ZXDC: variants seen among roughly 807,000 people sequenced by gnomAD.
The protein encoded by ZXDC is zinc finger protein ZXDC.
In ZXDC, 58 loss-of-function variants were observed where a neutral mutation model predicts 63.6. That is an observed-to-expected ratio of 0.91 (90% CI 0.74 to 1.13). The LOEUF is 1.13. Ranked by LOEUF, ZXDC falls within the 50% of genes most tolerant of loss-of-function variation. ZXDC has a pLI of 0.00. For synonymous variants in ZXDC, 561 were observed against 496.1 expected (o/e 1.13, Z -1.74); for missense variants, 1,133 against 1,148.9 (o/e 0.99, Z 0.20).
intron 9 of ZXDC, among the ~76,000 whole-genome samples, chr3:126,439,190 C>T (rs1470147565): frequency 6.6e-6 from 1 of 152,188 alleles, no homozygotes; most frequent in Non-Finnish European, 1.5e-5. Context: ...AATATATAAA[C>T]ACGTAAGGCA....
intron 1 of ZXDC, among the ~76,000 whole-genome samples, chr3:126,472,758 T>C (rs565718597): frequency 2.0e-5 from 3 of 152,182 alleles, no homozygotes; most frequent in Non-Finnish European, 2.9e-5. Context: ...CTGCATCCTC[T>C]ACATATCCAA....
chr3:126,443,676 T>A (rs1011071524), intron 7 of ZXDC, among the ~76,000 whole-genome samples: 1 of 152,184 alleles, frequency 6.6e-6, no homozygotes, highest in African/African-American at 2.4e-5. Context: ...TTGTATACTA[T>A]CCCACTTACC....
chr3:126,474,817 T>C (rs1046850099), intron 1 of ZXDC, 142 bp downstream of exon 1: 1 of 1,009,810 alleles, frequency 9.9e-7, no homozygotes, highest in South Asian at 1.7e-5. Flanking sequence ...TCGAATGACA[T>C]GGAAGGAGCT....
rs113071350 is a variant in ZXDC at position 126,461,172 on chromosome 3, C to T, written c.2127+363G>A. On this transcript the variant is annotated intron_variant, in intron 6 of 9. Transcript: ENST00000389709. Reference sequence around the variant, plus strand: ...GAACCTCTGAAGGTGGCTTATGTCTCGACTCCTCTTCTAGGACTGGTCATG... The same window carrying T: ...GAACCTCTGAAGGTGGCTTATGTCTTGACTCCTCTTCTAGGACTGGTCATG... 782 of 1,004,168 alleles carry T rather than the reference C, an allele frequency of 7.8e-4. 4 individuals are homozygous for T. In the African/African-American group the frequency reaches 0.013, roughly 16 times the overall value. The allele number at this position is 1,004,168 out of a possible 1,614,324, so 62.2% of individuals were successfully genotyped here.
chr3:126,445,018 A>G (rs1226321023), intron 7 of ZXDC, among the ~76,000 whole-genome samples: 1 of 152,254 alleles, frequency 6.6e-6, no homozygotes, highest in Non-Finnish European at 1.5e-5. Flanking sequence ...AATTGGTTTC[A>G]ACTTCTGTAT....
intron 7 of ZXDC, chr3:126,459,343 CT>C (rs1934431886): frequency 3.0e-6 from 3 of 985,456 alleles, no homozygotes; most frequent in South Asian, 4.7e-5. Flanking sequence ...ACAATCTCTG[CT>C]TTCCTGACAA....
chr3:126,454,026 A>G, intron 7 of ZXDC: 7 of 741,854 alleles, frequency 9.4e-6, no homozygotes, highest in Non-Finnish European at 1.1e-5. Flanking sequence ...ACTATATATT[A>G]TGTATATATA....
intron 6 of ZXDC, chr3:126,461,001 T>C (rs1431091544): frequency 1.0e-6 from 1 of 978,312 alleles, no homozygotes; most frequent in African/African-American, 1.8e-5. Context: ...ATAATTGATA[T>C]AAAGTATATT....
intron 7 of ZXDC, chr3:126,451,152 T>C: frequency 1.0e-6 from 1 of 985,430 alleles, no homozygotes; most frequent in Non-Finnish European, 1.2e-6. Flanking sequence ...CATGTTTTAA[T>C]TACACAAAGT....
At chr3:126,470,741 A>G (rs944062074) in intron 4 of ZXDC, among the ~76,000 whole-genome samples, 154 bp downstream of exon 4, 5 of 152,244 alleles carry the variant, frequency 3.3e-5, no homozygotes, top group Admixed American at 2.6e-4. Flanking sequence ...AAAATAGTAC[A>G]ATTAACTCAA....
intron 4 of ZXDC, among the ~76,000 whole-genome samples, chr3:126,467,635 T>G (rs1576687938): frequency 6.6e-6 from 1 of 152,314 alleles, no homozygotes; most frequent in South Asian, 2.1e-4. Context: ...CTAATACAGC[T>G]GCAAACTCGT....
intron 4 of ZXDC, among the ~76,000 whole-genome samples, chr3:126,466,624 A>C (rs1167507377): frequency 1.3e-5 from 2 of 152,258 alleles, no homozygotes; most frequent in African/African-American, 4.8e-5. Flanking sequence ...TGTTGGGAAG[A>C]TTAAGTCAAA....
intron 4 of ZXDC, among the ~76,000 whole-genome samples, chr3:126,467,046 G>T (rs1934797596): frequency 6.6e-6 from 1 of 152,194 alleles, no homozygotes; most frequent in South Asian, 2.1e-4. Context: ...GGGGCAAATA[G>T]AACAGCCAGT....
intron 4 of ZXDC, among the ~76,000 whole-genome samples, chr3:126,467,175 G>A (rs1241604971): frequency 6.6e-6 from 1 of 152,082 alleles, no homozygotes; most frequent in African/African-American, 2.4e-5. Context: ...AGCCCTCGAG[G>A]TGACTGGGCC....
In ZXDC at chr3:126,438,434, CAG is replaced by C. The variant is rs1475880630; in HGVS notation, c.2516_2517del (p.Pro839ArgfsTer39). 2 of 1,613,856 alleles carry C rather than the reference CAG, an allele frequency of 1.2e-6. No individual in the cohort carries two copies. The highest frequency in any genetic ancestry group is 1.7e-6 in the Non-Finnish European group (2 of 1,179,898). Reference sequence around the variant, plus strand: ...GGGAACTGGGTGGCCTCCGGTCCAGCAGGGCCTCCAGATGAGGGGAGCACCTC... The same window carrying C: ...GGGAACTGGGTGGCCTCCGGTCCAGCGGCCTCCAGATGAGGGGAGCACCTC... The part of the protein sequence containing the change: ...LQEVLPSSGG[P>X]AGPEATQFPG... On this transcript the variant is annotated frameshift_variant, in exon 10 of 10. Transcript: ENST00000389709. LOFTEE classifies it low-confidence loss of function (END_TRUNC).
intron 7 of ZXDC, among the ~76,000 whole-genome samples, chr3:126,457,060 G>A (rs942435040): frequency 6.6e-6 from 1 of 152,224 alleles, no homozygotes; most frequent in South Asian, 2.1e-4. Flanking sequence ...ATCATGACAA[G>A]GGAGGGCCAA....
chr3:126,461,713 G>A lies in ZXDC; in HGVS notation c.1949C>T (p.Ala650Val). 2 of 1,614,030 alleles carry A rather than the reference G, an allele frequency of 1.2e-6. No homozygotes were observed. Among genetic ancestry groups the A allele is most frequent in the East Asian group, 4.5e-5 (2 of 44,868 alleles). ...PTSSSTPREN[A>V]SVPELLAPIK... Reference sequence around the variant, plus strand: ...TGGAGCCAGCAGTTCCGGGACACTGGCATTTTCTCGGGGGGTGCTCGAAGA... The same window carrying A: ...TGGAGCCAGCAGTTCCGGGACACTGACATTTTCTCGGGGGGTGCTCGAAGA... Residue 650 changes from alanine (A) to valine (V), a missense_variant, in exon 6 of 10, where the codon GCC becomes GTC. Transcript: ENST00000389709.
At chr3:126,474,157 G>A (rs1212612187) in intron 1 of ZXDC, among the ~76,000 whole-genome samples, 1 of 149,936 alleles carries the variant, frequency 6.7e-6, no homozygotes, top group Non-Finnish European at 1.5e-5. Flanking sequence ...CTCCGTCTCT[G>A]GGGTTCACAC....
rs766135091 is a variant in ZXDC, at chr3:126,472,068, T to A, written c.1061-17A>T. 5 of 1,609,940 alleles carry A rather than the reference T, an allele frequency of 3.1e-6. No individual in the cohort carries two copies. Among genetic ancestry groups the A allele is most frequent in the Non-Finnish European group, 4.2e-6 (5 of 1,178,774 alleles). ...GTCTTTCACCTTATAAAAGAAAAAA[T>A]TATACAGCATAAAATTTACAACTCC... On this transcript the variant is annotated splice_polypyrimidine_tract_variant and intron_variant, in intron 2 of 9. Coordinates refer to ENST00000389709, the MANE Select transcript of ZXDC (RefSeq NM_025112.5).
Sources: gnomAD v4.1 joint callset for allele counts (sites outside exome capture counted in the v4.1 genomes callset) on GRCh38, gnomAD v4.1.1 for gene constraint, MANE v1.5 for transcripts, NCBI Gene and HGNC (gene_info 2026-07-23, HGNC 2026-07-21) for gene names.